The following RNF17 variants were observed in gnomAD, a reference collection of about 807,000 sequenced individuals.
The protein encoded by RNF17 is ring finger protein 17, also known as spermatogenesis associated 23.
In RNF17, 31 loss-of-function variants were observed where a neutral mutation model predicts 200.5. The observed-to-expected ratio is 0.15, with a 90% CI of 0.12 to 0.21. The LOEUF is 0.21. Among genes scored for constraint, RNF17 ranks in the 10% least tolerant of loss-of-function variants. The pLI, the probability that RNF17 is intolerant of heterozygous loss-of-function variation, is 1.00. For missense variants in RNF17, 1,628 were observed against 1,905.1 expected (o/e 0.85, Z 2.71); for synonymous variants, 606 against 637.8 (o/e 0.95, Z 0.75).
chr13:24,797,944 G>T (rs894465705), intron 11 of RNF17, among the ~76,000 whole-genome samples: 1 of 152,042 alleles, frequency 6.6e-6, no homozygotes, highest in Admixed American at 6.6e-5. Context: ...GTACAAAAGC[G>T]CTCTGTGAAT....
At chr13:24,749,307 C>CTTTTTTTTTTTTTTTTTTTTTTTTT in the RNF17 span, among the ~76,000 whole-genome samples, 12 of 108,032 alleles carry the variant, frequency 1.1e-4, 1 homozygote, top group East Asian at 3.3e-4. Context: ...TTCTTTCTTT[C>CTTTTTTTTTTTTTTTTTTTTTTTTT]TTTTTTTTTT....
chr13:24,877,296 A>C (rs1266361614), intron 34 of RNF17, 110 bp downstream of exon 34: 2 of 784,946 alleles, frequency 2.5e-6, no homozygotes, highest in Admixed American at 2.8e-5. Flanking sequence ...TAAAGCATAT[A>C]CAGCTATATA....
At chr13:24,754,160 A>C in the RNF17 span, among the ~76,000 whole-genome samples, 1 of 143,158 alleles carries the variant, frequency 7.0e-6, no homozygotes, top group African/African-American at 2.5e-5. Flanking sequence ...TGTCTCAAAA[A>C]TAAAATTAAA....
intron 15 of RNF17, among the ~76,000 whole-genome samples, chr13:24,812,677 CCA>C (rs1445584431): frequency 0.017 from 540 of 32,010 alleles, 68 homozygotes; most frequent in African/African-American, 0.045. Flanking sequence ...CCTCCCCGCC[CCA>C]CCCCCTTTTT....
At position 24,789,431 on chromosome 13, in the gene RNF17, A is replaced by C. The variant is rs936096306; in HGVS notation, c.860+7A>C. The C allele has an allele frequency of 7.0e-6, 11 of 1,567,730 alleles. No homozygotes were observed. The highest frequency in any genetic ancestry group is 9.7e-6 in the Non-Finnish European group (11 of 1,139,594). ...AACTAAGGAACCCTCCCAGGTAAGT[A>C]AGTCATAGTTCAGGAGACCATAACA... On this transcript the variant is annotated splice_region_variant and intron_variant, in intron 8 of 35. Coordinates refer to ENST00000255324, the MANE Select transcript of RNF17 (RefSeq NM_031277.3).
intron 18 of RNF17, among the ~76,000 whole-genome samples, chr13:24,839,948 CCA>C (rs1312536273): frequency 6.6e-6 from 1 of 151,992 alleles, no homozygotes; most frequent in East Asian, 1.9e-4. Flanking sequence ...AACAGACAAC[CCA>C]CAGAGTGGGA....
chr13:24,752,908 A>C, the RNF17 span, among the ~76,000 whole-genome samples: 1 of 152,142 alleles, frequency 6.6e-6, no homozygotes, highest in Admixed American at 6.5e-5. Context: ...GCGTGGCCCT[A>C]CTTGATCTGG....
At chr13:24,782,941 T>G (rs563370337) in intron 6 of RNF17, among the ~76,000 whole-genome samples, 11 of 151,402 alleles carry the variant, frequency 7.3e-5, no homozygotes, top group African/African-American at 9.8e-5. Context: ...TTGTTTCTTG[T>G]GCTTTTGGTG....
At chr13:24,749,307 C>CTTTCTTTCTTTCTTTTTTTTTTT in the RNF17 span, among the ~76,000 whole-genome samples, 1 of 108,032 alleles carries the variant, frequency 9.3e-6, no homozygotes. Context: ...TTCTTTCTTT[C>CTTTCTTTCTTTCTTTTTTTTTTT]TTTTTTTTTT....
rs191582127 is a variant in RNF17, at chr13:24,797,205, T to C, written c.1399+910T>C. Among the ~76,000 whole-genome samples, 97 of 152,338 alleles carry C rather than the reference T, an allele frequency of 6.4e-4. No homozygotes were observed. In the Middle Eastern group the frequency reaches 0.01, roughly 16 times the overall value. On this transcript the variant is annotated intron_variant, in intron 11 of 35. Transcript: ENST00000255324. ...AATGTAATACATTCCAAAAATAGCT[T>C]ATTTTCAGAAAATGTTCTAAGACAG...
upstream of RNF17, among the ~76,000 whole-genome samples, chr13:24,760,298 G>A (rs981916462): frequency 3.3e-5 from 5 of 152,062 alleles, no homozygotes; most frequent in South Asian, 2.1e-4. Context: ...ATTATCCAAC[G>A]GGGAAAATAA....
At chr13:24,868,761 C>A in intron 31 of RNF17, 45 bp downstream of exon 31, 3 of 1,025,690 alleles carry the variant, frequency 2.9e-6, no homozygotes, top group Non-Finnish European at 3.1e-6. Context: ...ATGTAACAAG[C>A]TGTCTTGGTC....
At chr13:24,762,382 A>G (rs1878839398), upstream of RNF17, among the ~76,000 whole-genome samples, 1 of 151,550 alleles carries the variant, frequency 6.6e-6, no homozygotes, top group Admixed American at 6.6e-5. Flanking sequence ...AAAAAAAAAA[A>G]AAAAAAAAAA....
intron 2 of RNF17, among the ~76,000 whole-genome samples, chr13:24,771,460 A>C (rs1316065389): frequency 6.8e-6 from 1 of 146,434 alleles, no homozygotes; most frequent in South Asian, 2.1e-4. Context: ...TAGCCACTGT[A>C]TCCAGCCTGT....
intron 14 of RNF17, chr13:24,804,032 A>T (rs1885555665): frequency 2.7e-6 from 1 of 366,002 alleles, no homozygotes; most frequent in East Asian, 7.0e-5. Flanking sequence ...GCACTTTGGG[A>T]GGCCAAGGCA....
intron 16 of RNF17, among the ~76,000 whole-genome samples, chr13:24,827,718 C>CAAAAAAAAAAAAAAAAAA (rs1250308715): frequency 3.7e-5 from 2 of 54,630 alleles, no homozygotes; most frequent in Admixed American, 2.9e-4. Context: ...AAAAAAAAAA[C>CAAAAAAAAAAAAAAAAAA]AAAAAAAAAA....
At chr13:24,763,464 GCCCTGGCCTC>G (rs1212440620), upstream of RNF17, among the ~76,000 whole-genome samples, 3 of 146,076 alleles carry the variant, frequency 2.1e-5, 1 homozygote, top group South Asian at 4.4e-4. Context: ...TGATCTGCCC[GCCCTGGCCTC>G]CCAAAGTGCT....
intron 6 of RNF17, among the ~76,000 whole-genome samples, chr13:24,782,607 G>GC (rs549869824): frequency 3.7e-4 from 37 of 99,088 alleles, no homozygotes; most frequent in East Asian, 3.5e-3. Context: ...GGCTGAGATG[G>GC]GGGGGGGATC....
chr13:24,790,815 GGAAGAGCA>G (rs1197326975), intron 9 of RNF17, among the ~76,000 whole-genome samples: 5 of 152,132 alleles, frequency 3.3e-5, no homozygotes, highest in Non-Finnish European at 7.4e-5. Context: ...TTCACAAGGT[GGAAGAGCA>G]GAAGAGCAAA....
Sources: allele counts gnomAD v4.1 joint callset (sites outside exome capture counted in the v4.1 genomes callset), GRCh38; gene constraint gnomAD v4.1.1; transcripts MANE v1.5; gene names NCBI Gene and HGNC (gene_info 2026-07-23, HGNC 2026-07-21).